Variants in DIXDC1 observed in about 807,000 individuals in gnomAD.
The protein encoded by DIXDC1 is DIX domain containing 1.
DIXDC1 carries 64 observed loss-of-function variants against 103.1 expected under a neutral mutation model. The ratio of observed to expected loss-of-function variants is 0.62; its 90% confidence interval spans 0.51 to 0.76. The LOEUF (loss-of-function observed/expected upper bound fraction) is 0.76. Ranked by LOEUF, DIXDC1 falls within the 30% of genes least tolerant of loss-of-function variation. The pLI, the probability that DIXDC1 is intolerant of heterozygous loss-of-function variation, is 0.00. For missense variants in DIXDC1, 759 were observed against 834.2 expected, an observed-to-expected ratio of 0.91 and a Z score of 1.11; for synonymous variants, 266 against 298.5, an observed-to-expected ratio of 0.89 and a Z score of 1.12.
At position 111,985,157 on chromosome 11, in the gene DIXDC1, A is replaced by T. The variant is rs587623716; in HGVS notation, c.919-75A>T. 86 of 1,186,016 alleles carry T rather than the reference A, an allele frequency of 7.3e-5. No homozygotes were observed. The African/African-American group carries it at 1.2e-3, about 17-fold the overall frequency. 73.5% of individuals were successfully genotyped at this position (1,186,016 alleles called of 1,614,324 possible). A position where few individuals can be genotyped will look rare whatever the true frequency, so the allele number is the denominator to read the frequency against. On this transcript the variant is annotated intron_variant, in intron 7 of 19. Coordinates refer to ENST00000440460, the MANE Select transcript of DIXDC1 (RefSeq NM_001037954.4). ...TGAGTTGTGATTTTAACTTGGGGTG[A>T]GCTTACCAAGTTCAACTCTGGACTA...
intron 11 of DIXDC1, 78 bp from the exon 12 acceptor site, chr11:111,992,873 C>G: frequency 7.0e-7 from 1 of 1,430,162 alleles, no homozygotes; most frequent in Non-Finnish European, 9.6e-7. Context: ...CCAACATTAA[C>G]TGGTTACTAA....
intron 1 of DIXDC1, among the ~76,000 whole-genome samples, chr11:111,950,439 T>TATATATATATATA (rs61541869): frequency 4.0e-3 from 38 of 9,446 alleles, no homozygotes; most frequent in South Asian, 6.9e-3. Context: ...TATATATATA[T>TATATATATATATA]TTTTTTTTTT....
At chr11:111,942,708 A>T (rs587620729) in intron 1 of DIXDC1, among the ~76,000 whole-genome samples, 1 of 152,208 alleles carries the variant, frequency 6.6e-6, no homozygotes, top group African/African-American at 2.4e-5. Flanking sequence ...TTAGGAGATG[A>T]TATCTTTCAG....
intron 14 of DIXDC1, among the ~76,000 whole-genome samples, chr11:111,994,196 G>T (rs1555175007): frequency 6.6e-6 from 1 of 152,068 alleles, no homozygotes; most frequent in African/African-American, 2.4e-5. Flanking sequence ...AGACCAGCCT[G>T]GCCAATGTGG....
At chr11:111,973,777 T>C (rs952576345) in intron 3 of DIXDC1, among the ~76,000 whole-genome samples, 1 of 152,250 alleles carries the variant, frequency 6.6e-6, no homozygotes, top group Non-Finnish European at 1.5e-5. Context: ...CTAGATAAGA[T>C]GTCTCTACTC....
intron 1 of DIXDC1, among the ~76,000 whole-genome samples, chr11:111,938,654 C>T (rs896011922): frequency 1.2e-4 from 19 of 152,128 alleles, no homozygotes; most frequent in Non-Finnish European, 2.5e-4. Flanking sequence ...TTTATTTCTC[C>T]AGCTGCACTA....
At position 112,017,339 on chromosome 11, in the gene DIXDC1, T is replaced by A. The variant is rs1303341195; in HGVS notation, c.1863-438T>A. On this transcript the variant is annotated intron_variant, in intron 18 of 19. Transcript: ENST00000440460. The surrounding 1 kb of genome is among the most constrained non-coding windows in gnomAD (Gnocchi z 4.0). Reference sequence around the variant, plus strand: ...ATTTTTCTTACTTAGTCTGCTTATTTAGTCTGGGTTAGAAGCCAGCTTCCT... The same window carrying A: ...ATTTTTCTTACTTAGTCTGCTTATTAAGTCTGGGTTAGAAGCCAGCTTCCT... 6.6e-6 allele frequency among the ~76,000 whole-genome samples: 1 copy of A among 152,224 alleles called. No homozygotes were observed. Among genetic ancestry groups the A allele is most frequent in the Admixed American group, 6.5e-5 (1 of 15,282 alleles).
chr11:112,003,690 C>A (rs35345409), intron 17 of DIXDC1, among the ~76,000 whole-genome samples: 16 of 151,126 alleles, frequency 1.1e-4, no homozygotes, highest in Non-Finnish European at 2.1e-4. Context: ...TCCAGCTACT[C>A]GGGAGGCTGA....
rs781843783 is a variant in DIXDC1 at position 111,958,652 on chromosome 11, G to A, written c.61-5897G>A. 9.9e-5 allele frequency among the ~76,000 whole-genome samples: 15 copies of A among 152,194 alleles called. No homozygotes were observed. The highest frequency in any genetic ancestry group is 2.2e-4 in the African/African-American group (9 of 41,452). ...GACAGGCTCCTGTGTGGAAAGGGGCGGGTTCCCGGTGAAGCCCCACCTTCA... is the reference window on the plus strand; with the variant it reads ...GACAGGCTCCTGTGTGGAAAGGGGCAGGTTCCCGGTGAAGCCCCACCTTCA... On this transcript the variant is annotated intron_variant, in intron 1 of 19. Transcript: ENST00000440460. The surrounding 1 kb of genome is among the most constrained non-coding windows in gnomAD (Gnocchi z 4.2).
intron 1 of DIXDC1, among the ~76,000 whole-genome samples, chr11:111,961,343 T>C (rs894939289): frequency 1.2e-4 from 19 of 152,226 alleles, no homozygotes; most frequent in African/African-American, 4.6e-4. Context: ...GGAAAGAGCA[T>C]TGGCTTGGGA....
chr11:111,948,912 A>G (rs1264484576), intron 1 of DIXDC1, among the ~76,000 whole-genome samples: 3 of 152,016 alleles, frequency 2.0e-5, no homozygotes, highest in African/African-American at 7.2e-5. Flanking sequence ...CATCTGCCAA[A>G]TAACTCTTAG....
chr11:111,995,546 G>T lies in DIXDC1; in HGVS notation c.1671G>T (p.Gln557His). The stretch of plus-strand genomic sequence containing the variant: ...AGCGCCTGCATGTTATGGAGACGCA[G>T]AAGAAACAAGAAAGAAAGGTAACCC... ...LMERLHVMETQKKQERKVRVK... is the reference protein window; with the variant it reads ...LMERLHVMETHKKQERKVRVK... Residue 557 changes from glutamine (Q) to histidine (H), a missense_variant, in exon 16 of 20, where the codon CAG becomes CAT. Around this residue, in one of 3 missense-constraint regions of DIXDC1, gnomAD observed 657 missense variants for 727.5 expected, o/e 0.90. Transcript: ENST00000440460. 6.2e-7 allele frequency: 1 copy of T among 1,613,982 alleles called. No homozygotes were observed.
chr11:111,952,158 G>A (rs1592556541), intron 1 of DIXDC1, among the ~76,000 whole-genome samples: 1 of 152,146 alleles, frequency 6.6e-6, no homozygotes, highest in Non-Finnish European at 1.5e-5. Context: ...GAGCCACCAT[G>A]CCCGTCTTAA....
At chr11:112,010,187 T>G (rs1378440079) in intron 17 of DIXDC1, among the ~76,000 whole-genome samples, 4 of 152,036 alleles carry the variant, frequency 2.6e-5, no homozygotes, top group Admixed American at 2.6e-4. Context: ...AAATCATGAG[T>G]GAACTCCCAA....
chr11:111,940,930 G>T (rs1209550794), intron 1 of DIXDC1, among the ~76,000 whole-genome samples: 1 of 152,170 alleles, frequency 6.6e-6, no homozygotes, highest in Non-Finnish European at 1.5e-5. Flanking sequence ...CATAGAGTCT[G>T]TGCCCTACTG....
chr11:112,007,539 GT>G (rs1371866853), intron 17 of DIXDC1, among the ~76,000 whole-genome samples: 5 of 152,212 alleles, frequency 3.3e-5, no homozygotes, highest in African/African-American at 1.2e-4. Flanking sequence ...AGGAAAAAAT[GT>G]TAAGGGCAGC....
Position 111,937,517 on chromosome 11 carries a change from C to G in DIXDC1, c.18C>G (p.Thr6=), listed in dbSNP as rs782649032. 1 of 1,595,682 alleles carries G rather than the reference C, an allele frequency of 6.3e-7. No homozygotes were observed. The highest frequency in any genetic ancestry group is 8.5e-7 in the Non-Finnish European group (1 of 1,171,486). Reference sequence around the variant, plus strand: ...CAGGAACAATGCTAGCCTGCCTGACCCGAGGGAACTTACTGGACGTCCTGC... The same window carrying G: ...CAGGAACAATGCTAGCCTGCCTGACGCGAGGGAACTTACTGGACGTCCTGC... The part of the protein sequence containing the change: MLACL[T]RGNLLDVLQE... Residue 6 remains threonine, a synonymous_variant, in exon 1 of 20, where the codon ACC becomes ACG. Transcript: ENST00000440460.
chr11:112,001,608 A>G (rs1555176005), intron 17 of DIXDC1, among the ~76,000 whole-genome samples: 1 of 152,204 alleles, frequency 6.6e-6, no homozygotes, highest in African/African-American at 2.4e-5. Flanking sequence ...TGAACCCATC[A>G]GAGAGATGAA....
intron 1 of DIXDC1, chr11:111,945,913 C>G (rs1555169313): frequency 6.7e-6 from 1 of 149,666 alleles, no homozygotes; most frequent in Non-Finnish European, 1.5e-5. Context: ...GAATTACAGG[C>G]ATACACCACC....
Sources: gnomAD v4.1 joint callset for allele counts (sites outside exome capture counted in the v4.1 genomes callset) on GRCh38, gnomAD v4.1.1 for gene constraint, gnomAD v4.1.1 regional missense constraint, Gnocchi (gnomAD v3.1) non-coding constraint, MANE v1.5 for transcripts, NCBI Gene and HGNC (gene_info 2026-07-23, HGNC 2026-07-21) for gene names.